The following RALYL variants were observed in gnomAD, a reference collection of about 807,000 sequenced individuals.
The protein encoded by RALYL is RNA-binding Raly-like protein.
RALYL carries 29 observed loss-of-function variants against 35.1 expected under a neutral mutation model. The observed-to-expected ratio is 0.83, with a 90% CI of 0.61 to 1.13. The LOEUF is 1.13. Ranked by LOEUF, RALYL falls within the 50% of genes most tolerant of loss-of-function variation. The pLI is 0.00. For synonymous variants in RALYL, 120 were observed against 127.6 expected (o/e 0.94, Z 0.40); for missense variants, 359 against 360.4 (o/e 1.00, Z 0.03).
intron 1 of RALYL, among the ~76,000 whole-genome samples, chr8:84,464,682 T>C (rs1414125125): frequency 6.6e-6 from 1 of 152,086 alleles, no homozygotes. Context: ...GGTGAAATGG[T>C]ATTTCCAGTT....
chr8:84,773,887 T>C (rs1420253995), intron 2 of RALYL, among the ~76,000 whole-genome samples: 1 of 152,150 alleles, frequency 6.6e-6, no homozygotes. Context: ...TAGCGAAAAA[T>C]GAAAATCAGA....
rs977040129 is a variant in RALYL at position 84,473,863 on chromosome 8, T to C, written c.-23-55436T>C. 2.0e-5 allele frequency among the ~76,000 whole-genome samples: 3 copies of C among 151,998 alleles called. No homozygotes were observed. In the East Asian group the frequency reaches 5.8e-4, roughly 29 times the overall value. On this transcript the variant is annotated intron_variant, in intron 1 of 8. Transcript: ENST00000521268. ...GGCCAATAAACTCCTCTTATATATT[T>C]TGGTTATTAGTATTAATATTACTAT...
intron 1 of RALYL, among the ~76,000 whole-genome samples, chr8:84,424,596 A>G (rs2046111485): frequency 6.6e-6 from 1 of 151,438 alleles, no homozygotes; most frequent in Non-Finnish European, 1.5e-5. Context: ...CTGGTGAGGA[A>G]CTGCGTTCCT....
At chr8:84,290,528 C>G (rs935109644) in intron 1 of RALYL, among the ~76,000 whole-genome samples, 2 of 151,928 alleles carry the variant, frequency 1.3e-5, no homozygotes, top group Admixed American at 6.6e-5. Context: ...AGTGGGGGTG[C>G]TTTTTGAGCC....
chr8:84,708,633 T>C (rs1246732212), intron 2 of RALYL, among the ~76,000 whole-genome samples: 2 of 152,142 alleles, frequency 1.3e-5, no homozygotes, highest in Non-Finnish European at 2.9e-5. Flanking sequence ...AATGTTTAAC[T>C]TTTGAGTCCA....
intron 2 of RALYL, among the ~76,000 whole-genome samples, chr8:84,653,997 T>A (rs985647355): frequency 2.0e-5 from 3 of 150,904 alleles, no homozygotes; most frequent in Non-Finnish European, 4.4e-5. Flanking sequence ...GAGAACAAGG[T>A]TTGTATTTTG....
At chr8:84,893,777 G>A (rs978336480) in intron 8 of RALYL, among the ~76,000 whole-genome samples, 5 of 152,108 alleles carry the variant, frequency 3.3e-5, no homozygotes, top group African/African-American at 1.2e-4. Flanking sequence ...CTATAGACAA[G>A]CAAAACATTT....
intron 1 of RALYL, among the ~76,000 whole-genome samples, chr8:84,263,383 A>G (rs1254870319): frequency 6.6e-6 from 1 of 152,218 alleles, no homozygotes; most frequent in Non-Finnish European, 1.5e-5. Flanking sequence ...GTGTTACAAC[A>G]TTAAAAAATA....
chr8:84,903,433 C>T (rs1846008768), intron 8 of RALYL, among the ~76,000 whole-genome samples: 3 of 152,062 alleles, frequency 2.0e-5, no homozygotes, highest in Admixed American at 2.0e-4. Flanking sequence ...CCAACCCTAA[C>T]CTTCACCCTT....
At chr8:84,481,242 T>C (rs79418074) in intron 1 of RALYL, among the ~76,000 whole-genome samples, 2 of 152,116 alleles carry the variant, frequency 1.3e-5, no homozygotes, top group African/African-American at 4.8e-5. Context: ...AAATACAATT[T>C]TTTTTGTATA....
At chr8:84,735,798 A>C (rs963854638) in intron 2 of RALYL, among the ~76,000 whole-genome samples, 1 of 141,888 alleles carries the variant, frequency 7.0e-6, no homozygotes, top group African/African-American at 2.9e-5. Context: ...ATTCCTTAAG[A>C]TCATCCAAAC....
At chr8:84,311,707 C>G (rs1172927804) in intron 1 of RALYL, among the ~76,000 whole-genome samples, 1 of 151,998 alleles carries the variant, frequency 6.6e-6, no homozygotes, top group East Asian at 1.9e-4. Flanking sequence ...GAATAAATAA[C>G]TAAAATCATC....
chr8:84,346,409 T>C (rs1034515726), intron 1 of RALYL, among the ~76,000 whole-genome samples: 1 of 152,174 alleles, frequency 6.6e-6, no homozygotes, highest in African/African-American at 2.4e-5. Flanking sequence ...TAAATACATA[T>C]GTATTGCATG....
chr8:84,542,061 C>CTTTTT (rs2060051156), intron 2 of RALYL, among the ~76,000 whole-genome samples: 2 of 151,946 alleles, frequency 1.3e-5, no homozygotes, highest in African/African-American at 4.8e-5. Flanking sequence ...GAATTTGTGT[C>CTTTTT]TACAAGTTTG....
chr8:84,743,690 A>G (rs1227649802), intron 2 of RALYL, among the ~76,000 whole-genome samples: 1 of 152,078 alleles, frequency 6.6e-6, no homozygotes, highest in African/African-American at 2.4e-5. Context: ...GCACAAGACA[A>G]TGTCTAGAAA....
At chr8:84,615,851 T>C (rs1314224123) in intron 2 of RALYL, among the ~76,000 whole-genome samples, 39 of 105,866 alleles carry the variant, frequency 3.7e-4, no homozygotes, top group Non-Finnish European at 5.9e-4. Context: ...CGGTGTTTGG[T>C]TTTTTGTTCT....
intron 2 of RALYL, among the ~76,000 whole-genome samples, chr8:84,706,299 G>T (rs903728727): frequency 2.0e-5 from 3 of 152,152 alleles, no homozygotes; most frequent in African/African-American, 7.2e-5. Flanking sequence ...AATCAACAGA[G>T]AAACAGATCA....
chr8:84,303,034 A>G (rs113734328), intron 1 of RALYL, among the ~76,000 whole-genome samples: 3,954 of 152,248 alleles, frequency 0.026, 97 homozygotes, highest in Non-Finnish European at 0.029. Context: ...TTTAATTTTT[A>G]CCAATATGCT....
intron 2 of RALYL, among the ~76,000 whole-genome samples, chr8:84,584,622 G>T (rs1811587279): frequency 6.6e-6 from 1 of 151,100 alleles, no homozygotes; most frequent in Admixed American, 6.6e-5. Context: ...AAAAATTGAT[G>T]ATTTAATAGC....
Sources: allele counts gnomAD v4.1 joint callset (sites outside exome capture counted in the v4.1 genomes callset), GRCh38; gene constraint gnomAD v4.1.1; transcripts MANE v1.5; gene names NCBI Gene and HGNC (gene_info 2026-07-23, HGNC 2026-07-21).